The following DNAH11 variants were observed in gnomAD, a reference collection of about 807,000 sequenced individuals.
DNAH11 encodes the protein axonemal beta dynein heavy chain 11.
A neutral mutation model predicts 526.0 loss-of-function variants in DNAH11; 442 were observed. The observed-to-expected ratio is 0.84, with a 90% CI of 0.78 to 0.91. The LOEUF (loss-of-function observed/expected upper bound fraction) is 0.91. DNAH11 is among the 40% of genes least tolerant of loss of function. The pLI, the probability that DNAH11 is intolerant of heterozygous loss-of-function variation, is 0.00. For missense variants in DNAH11, 6,989 were observed against 5,448.7 expected (o/e 1.28, Z -8.90); for synonymous variants, 2,461 against 1,935.9 (o/e 1.27, Z -7.12).
chr7:21,779,231 C>A, intron 57 of DNAH11, 127 bp downstream of exon 57: 1 of 1,148,244 alleles, frequency 8.7e-7, no homozygotes, highest in South Asian at 1.9e-5. Flanking sequence ...TATAGTTACA[C>A]ATGTAACAGC....
rs1374375239 is a variant in DNAH11, at chr7:21,655,836, C to T, written c.4949C>T (p.Thr1650Ile). 1.9e-6 allele frequency: 3 copies of T among 1,612,410 alleles called. No individual in the cohort carries two copies. The highest frequency in any genetic ancestry group is 1.7e-4 in the Middle Eastern group (1 of 6,056). ...TTTCTAATATTCTCATTTTAGGTAACATGTCACCTTGCCAAACTTTTCGAC... is the reference window on the plus strand; with the variant it reads ...TTTCTAATATTCTCATTTTAGGTAATATGTCACCTTGCCAAACTTTTCGAC... ...LSKGAQPKQVTCHLAKLFDSI... is the reference protein window; with the variant it reads ...LSKGAQPKQVICHLAKLFDSI... Residue 1650 changes from threonine (T) to isoleucine (I), a missense_variant, in exon 29 of 82, where the codon ACA (threonine) becomes ATA (isoleucine). By Grantham distance (89) the Thr-to-Ile change is moderately conservative (BLOSUM62 -1). Coordinates refer to ENST00000409508, the MANE Select transcript of DNAH11 (RefSeq NM_001277115.2).
intron 62 of DNAH11, among the ~76,000 whole-genome samples, chr7:21,804,701 C>G (rs1242209631): frequency 6.6e-6 from 1 of 152,142 alleles, no homozygotes; most frequent in Non-Finnish European, 1.5e-5. Flanking sequence ...TTCTCTTCAC[C>G]TTACCATGCT....
At chr7:21,849,568 G>C (rs1217944111) in intron 66 of DNAH11, among the ~76,000 whole-genome samples, 1 of 152,026 alleles carries the variant, frequency 6.6e-6, no homozygotes, top group Non-Finnish European at 1.5e-5. Context: ...TACTTTTGAA[G>C]GATAATTTTA....
At chr7:21,861,677 T>C (rs1783068345) in intron 68 of DNAH11, among the ~76,000 whole-genome samples, 176 bp from the exon 69 acceptor site, 1 of 152,184 alleles carries the variant, frequency 6.6e-6, no homozygotes, top group African/African-American at 2.4e-5. Flanking sequence ...ATAACAGTAA[T>C]GACAGCAAAC....
intron 65 of DNAH11, among the ~76,000 whole-genome samples, chr7:21,829,521 C>T (rs1349199667): frequency 4.6e-5 from 7 of 152,140 alleles, no homozygotes; most frequent in African/African-American, 1.7e-4. Context: ...TGGTCTACCA[C>T]AATAGTAAGT....
intron 28 of DNAH11, among the ~76,000 whole-genome samples, chr7:21,652,233 G>A (rs1370127515): frequency 6.6e-6 from 1 of 152,118 alleles, no homozygotes; most frequent in Non-Finnish European, 1.5e-5. Flanking sequence ...GAATGAAGAT[G>A]TACCAGAGGA....
At chr7:21,706,176 G>A (rs1161934544) in intron 39 of DNAH11, among the ~76,000 whole-genome samples, 3 of 151,896 alleles carry the variant, frequency 2.0e-5, no homozygotes, top group African/African-American at 4.8e-5. Context: ...TGATTTACTC[G>A]GCACAACAAT....
At chr7:21,613,941 T>TTTC (rs1419495884) in intron 20 of DNAH11, among the ~76,000 whole-genome samples, 1 of 150,630 alleles carries the variant, frequency 6.6e-6, no homozygotes, top group Admixed American at 6.7e-5. Flanking sequence ...CTAATTTTTT[T>TTTC]TTTTTTTGCA....
chr7:21,882,948 G>A (rs7349999), intron 75 of DNAH11, among the ~76,000 whole-genome samples: 37,270 of 152,066 alleles, frequency 0.25, 4,662 homozygotes, highest in African/African-American at 0.26. Context: ...TGCAAGCATC[G>A]ATTAAATGTA....
intron 73 of DNAH11, among the ~76,000 whole-genome samples, chr7:21,872,110 C>G (rs555489016): frequency 5.2e-3 from 130 of 24,988 alleles, no homozygotes; most frequent in African/African-American, 0.015. Context: ...GGTGACAGAG[C>G]GAGACTCTGT....
At chr7:21,703,177 A>AT (rs1784132978) in intron 37 of DNAH11, among the ~76,000 whole-genome samples, 1 of 152,186 alleles carries the variant, frequency 6.6e-6, no homozygotes, top group Admixed American at 6.5e-5. Context: ...GAGAAAGAGC[A>AT]TCCATTTCAT....
chr7:21,671,118 T>C (rs1419883277), intron 30 of DNAH11, among the ~76,000 whole-genome samples: 3 of 152,224 alleles, frequency 2.0e-5, no homozygotes, highest in Non-Finnish European at 4.4e-5. Context: ...AAGTTTTCTT[T>C]ATAGAACATT....
chr7:21,865,991 G>A (rs948482215), intron 70 of DNAH11, among the ~76,000 whole-genome samples: 4 of 152,146 alleles, frequency 2.6e-5, no homozygotes, highest in East Asian at 3.8e-4. Flanking sequence ...CATCACCATC[G>A]TGGTTTTGTT....
intron 73 of DNAH11, among the ~76,000 whole-genome samples, chr7:21,870,911 A>C (rs1783470443): frequency 6.6e-6 from 1 of 152,222 alleles, no homozygotes; most frequent in Non-Finnish European, 1.5e-5. Flanking sequence ...GCTTTGGGCC[A>C]TCCCAGTGTC....
chr7:21,779,325 C>G (rs1787834676), intron 57 of DNAH11, among the ~76,000 whole-genome samples: 1 of 152,112 alleles, frequency 6.6e-6, no homozygotes, highest in Non-Finnish European at 1.5e-5. Flanking sequence ...TATGAAAGAA[C>G]AATAAATACT....
At chr7:21,608,558 T>C (rs1785393481) in intron 20 of DNAH11, among the ~76,000 whole-genome samples, 1 of 152,238 alleles carries the variant, frequency 6.6e-6, no homozygotes, top group African/African-American at 2.4e-5. Context: ...AACACCATTC[T>C]ATAGCATCAT....
At chr7:21,671,629 C>G (rs1013948897) in intron 30 of DNAH11, among the ~76,000 whole-genome samples, 1 of 151,620 alleles carries the variant, frequency 6.6e-6, no homozygotes, top group Admixed American at 6.6e-5. Flanking sequence ...TTGGTTTTCT[C>G]TATAGCTTGT....
At chr7:21,687,305 C>T in intron 33 of DNAH11, 50 bp downstream of exon 33, 2 of 1,554,932 alleles carry the variant, frequency 1.3e-6, no homozygotes, top group South Asian at 1.2e-5. Flanking sequence ...TAACATTATT[C>T]CTGATTGGGA....
intron 62 of DNAH11, among the ~76,000 whole-genome samples, chr7:21,803,453 G>T (rs1386974874): frequency 6.6e-6 from 1 of 152,184 alleles, no homozygotes; most frequent in South Asian, 2.1e-4. Flanking sequence ...AGAGACAGTA[G>T]AGAAAGGGAA....
Sources: gnomAD v4.1 joint callset for allele counts (sites outside exome capture counted in the v4.1 genomes callset) on GRCh38, gnomAD v4.1.1 for gene constraint, MANE v1.5 for transcripts, NCBI Gene and HGNC (gene_info 2026-07-23, HGNC 2026-07-21) for gene names.